Variants in SRBD1 observed in about 807,000 individuals in gnomAD.
SRBD1 encodes the protein S1 RNA binding domain 1.
SRBD1 carries 88 observed loss-of-function variants against 115.3 expected under a neutral mutation model. The ratio of observed to expected loss-of-function variants is 0.76; its 90% CI spans 0.64 to 0.91. The LOEUF (loss-of-function observed/expected upper bound fraction) is 0.91. Among genes scored for constraint, SRBD1 ranks in the 40% least tolerant of loss-of-function variants. The probability of loss-of-function intolerance (pLI) is 0.00; values close to 1 mark genes in which losing one functional copy is unlikely to be tolerated. For missense variants in SRBD1, 1,385 were observed against 1,177.4 expected (o/e 1.18, Z -2.58); for synonymous variants, 509 against 407.7 (o/e 1.25, Z -2.99).
In SRBD1 at chr2:45,470,039, C is replaced by A. The variant is rs187758638; in HGVS notation, c.2049+6954G>T. ...GGGGCAAAAATCCAAACAAAAGTCACCTAGGTGACCGGGCATGGGACAGAC... is the reference window on the plus strand; with the variant it reads ...GGGGCAAAAATCCAAACAAAAGTCAACTAGGTGACCGGGCATGGGACAGAC... On this transcript the variant is annotated intron_variant, in intron 16 of 20. Coordinates refer to ENST00000263736, the MANE Select transcript of SRBD1 (RefSeq NM_018079.5). Among the ~76,000 whole-genome samples the A allele has an allele frequency of 1.1e-4, 16 of 152,272 alleles. No homozygotes were observed. The East Asian group carries it at 2.9e-3, about 28-fold the overall frequency.
At chr2:45,530,848 G>A (rs557158979) in intron 14 of SRBD1, among the ~76,000 whole-genome samples, 148 of 152,032 alleles carry the variant, frequency 9.7e-4, no homozygotes, top group African/African-American at 3.3e-3. Flanking sequence ...TGGACATGGT[G>A]GAGCACATCT....
chr2:45,593,510 T>C (rs953188663), intron 4 of SRBD1, among the ~76,000 whole-genome samples: 1 of 152,190 alleles, frequency 6.6e-6, no homozygotes, highest in Non-Finnish European at 1.5e-5. Flanking sequence ...GAAAATGCTT[T>C]TTCCCAAAGT....
intron 1 of SRBD1, among the ~76,000 whole-genome samples, chr2:45,609,455 A>C (rs1380275440): frequency 1.3e-5 from 2 of 152,126 alleles, no homozygotes; most frequent in Non-Finnish European, 2.9e-5. Context: ...CCTGCAACTC[A>C]TTCTCCACTT....
intron 14 of SRBD1, among the ~76,000 whole-genome samples, chr2:45,495,389 T>C (rs1273476335): frequency 1.3e-5 from 2 of 152,216 alleles, no homozygotes; most frequent in African/African-American, 4.8e-5. Flanking sequence ...GTAGATTAAG[T>C]ACCTCTACTG....
At chr2:45,552,048 T>C (rs113600770) in intron 11 of SRBD1, among the ~76,000 whole-genome samples, 86 of 152,038 alleles carry the variant, frequency 5.7e-4, no homozygotes, top group African/African-American at 1.5e-3. Context: ...GATGGCAAAA[T>C]AGATAGCACT....
At chr2:45,548,513 G>A (rs377358392) in intron 12 of SRBD1, among the ~76,000 whole-genome samples, 1 of 152,012 alleles carries the variant, frequency 6.6e-6, no homozygotes, top group Admixed American at 6.6e-5. Flanking sequence ...GAATATAGAT[G>A]TGTTTGTGAC....
At chr2:45,562,201 C>G (rs1017959667) in intron 10 of SRBD1, among the ~76,000 whole-genome samples, 1 of 151,884 alleles carries the variant, frequency 6.6e-6, no homozygotes, top group Admixed American at 6.6e-5. Context: ...CACTACATAC[C>G]TTGTCTGTTA....
intron 2 of SRBD1, among the ~76,000 whole-genome samples, chr2:45,604,858 G>C (rs1345246888): frequency 6.6e-6 from 1 of 152,048 alleles, no homozygotes; most frequent in Non-Finnish European, 1.5e-5. Context: ...AATATCTTCA[G>C]AGCACCTAAT....
chr2:45,449,650 C>T (rs1668932772), intron 16 of SRBD1, among the ~76,000 whole-genome samples: 1 of 152,138 alleles, frequency 6.6e-6, no homozygotes, highest in South Asian at 2.1e-4. Context: ...ACCACTTCAA[C>T]CCCGAAGTTT....
chr2:45,537,136 G>A (rs757881049), intron 14 of SRBD1, among the ~76,000 whole-genome samples: 5 of 152,084 alleles, frequency 3.3e-5, no homozygotes, highest in Admixed American at 1.3e-4. Context: ...AGGCTCATAC[G>A]ACACAGAAAA....
intron 4 of SRBD1, among the ~76,000 whole-genome samples, chr2:45,586,828 T>A (rs1329602672): frequency 1.4e-5 from 2 of 147,764 alleles, no homozygotes; most frequent in Non-Finnish European, 3.0e-5. Context: ...ATTACTGGCA[T>A]GAACCACCGA....
chr2:45,551,091 C>T (rs762332130), intron 12 of SRBD1, 34 bp downstream of exon 12: 1 of 1,561,226 alleles, frequency 6.4e-7, no homozygotes, highest in African/African-American at 1.4e-5. Flanking sequence ...ACCAACCAAA[C>T]AACTTTTACA....
chr2:45,479,922 G>A (rs13015575), intron 15 of SRBD1, among the ~76,000 whole-genome samples: 1 of 152,076 alleles, frequency 6.6e-6, no homozygotes, highest in Non-Finnish European at 1.5e-5. Context: ...CTGAAGTCAA[G>A]GCTCATTTGC....
chr2:45,435,287 A>C (rs752856599), intron 16 of SRBD1, among the ~76,000 whole-genome samples: 6 of 152,086 alleles, frequency 3.9e-5, no homozygotes, highest in Non-Finnish European at 8.8e-5. Context: ...ACTACATAGA[A>C]TAAGCCTCAA....
chr2:45,547,228 T>A (rs2104034332), intron 13 of SRBD1, among the ~76,000 whole-genome samples: 1 of 152,240 alleles, frequency 6.6e-6, no homozygotes, highest in Middle Eastern at 3.4e-3. Flanking sequence ...CCACATCTAT[T>A]CCTCAGATGG....
At chr2:45,498,891 A>C (rs959927813) in intron 14 of SRBD1, among the ~76,000 whole-genome samples, 3 of 152,172 alleles carry the variant, frequency 2.0e-5, no homozygotes, top group Non-Finnish European at 4.4e-5. Flanking sequence ...TTATCCATTC[A>C]TCAGCTGACA....
chr2:45,434,321 G>C (rs1006868328), intron 16 of SRBD1, among the ~76,000 whole-genome samples: 5 of 152,268 alleles, frequency 3.3e-5, no homozygotes, highest in African/African-American at 1.2e-4. Flanking sequence ...TGTTCAGTGA[G>C]GTCTCCCCAT....
chr2:45,449,076 G>A (rs1668912298), intron 16 of SRBD1, among the ~76,000 whole-genome samples: 1 of 152,256 alleles, frequency 6.6e-6, no homozygotes, highest in East Asian at 1.9e-4. Context: ...AACGATTGCA[G>A]ATTATTCAAT....
intron 18 of SRBD1, among the ~76,000 whole-genome samples, chr2:45,414,926 C>CAT (rs201343427): frequency 0.48 from 43,295 of 90,560 alleles, 15,036 homozygotes; most frequent in Non-Finnish European, 0.57. Context: ...ATAGTATGTA[C>CAT]ACACACAGTG....
Sources: gnomAD v4.1 joint callset for allele counts (sites outside exome capture counted in the v4.1 genomes callset) on GRCh38, gnomAD v4.1.1 for gene constraint, MANE v1.5 for transcripts, NCBI Gene and HGNC (gene_info 2026-07-23, HGNC 2026-07-21) for gene names.